The following TANC1 variants were observed in gnomAD, a reference collection of about 807,000 sequenced individuals.
The protein encoded by TANC1 is protein TANC1.
Under a neutral mutation model 149.7 loss-of-function variants are expected in TANC1, and 77 were observed. The observed-to-expected ratio is 0.51, with a 90% CI of 0.43 to 0.62. The LOEUF is 0.62. Ranked by LOEUF, TANC1 falls within the 20% of genes least tolerant of loss-of-function variation. The pLI is 0.00. For synonymous variants in TANC1, 854 were observed against 925.0 expected, an observed-to-expected ratio of 0.92 and a Z score of 1.39; for missense variants, 1,985 against 2,321.8, an observed-to-expected ratio of 0.85 and a Z score of 2.98.
intron 4 of TANC1, among the ~76,000 whole-genome samples, chr2:159,126,494 C>T (rs2049468967): frequency 6.6e-6 from 1 of 152,188 alleles, no homozygotes; most frequent in Admixed American, 6.5e-5. Flanking sequence ...GAAAATGTTC[C>T]AACAGCTGTA....
In TANC1 at chr2:159,170,570, G is replaced by A. The variant is rs2055099258; in HGVS notation, c.1116G>A (p.Leu372=). 1 of 1,613,944 alleles carries A rather than the reference G, an allele frequency of 6.2e-7. No homozygotes were observed. The highest frequency in any genetic ancestry group is 1.1e-5 in the South Asian group (1 of 91,070). ...CACAAGACATTTTGTTGAAACCCTT[G>A]TTGTTTGAAGTACCAAGCATAACAA... ...YKPQDILLKP[L]LFEVPSITTD... is the part of the protein sequence containing the mutation. Residue 372 remains leucine, a synonymous_variant, in exon 10 of 27, where the codon TTG becomes TTA. Transcript: ENST00000263635.
At chr2:159,136,321 TCC>T in intron 5 of TANC1, 23 bp downstream of exon 5, 1 of 1,326,762 alleles carries the variant, frequency 7.5e-7, no homozygotes, top group South Asian at 1.2e-5. Context: ...GTGATTTCCT[TCC>T]CCCTCTACCA....
chr2:159,085,650 G>A (rs898594253), intron 3 of TANC1, among the ~76,000 whole-genome samples: 8 of 152,196 alleles, frequency 5.3e-5, no homozygotes, highest in African/African-American at 1.7e-4. Flanking sequence ...AGAAAGCCAA[G>A]GGGAGCAGGC....
intron 4 of TANC1, among the ~76,000 whole-genome samples, chr2:159,116,395 A>T (rs1427340946): frequency 6.6e-6 from 1 of 151,842 alleles, no homozygotes; most frequent in Non-Finnish European, 1.5e-5. Flanking sequence ...CCACTGTATT[A>T]CAGCCTGGGT....
At chr2:159,131,833 A>T (rs2050141678) in intron 4 of TANC1, among the ~76,000 whole-genome samples, 1 of 152,234 alleles carries the variant, frequency 6.6e-6, no homozygotes, top group Non-Finnish European at 1.5e-5. Context: ...TGTTTGTGAA[A>T]AGCAATTTAA....
At chr2:159,123,758 A>G (rs2049098298) in intron 4 of TANC1, among the ~76,000 whole-genome samples, 1 of 152,236 alleles carries the variant, frequency 6.6e-6, no homozygotes, top group African/African-American at 2.4e-5. Flanking sequence ...TCTGTGCTAA[A>G]CACTGTAAAG....
intron 4 of TANC1, among the ~76,000 whole-genome samples, chr2:159,130,392 G>A (rs376054155): frequency 1.3e-5 from 2 of 152,186 alleles, no homozygotes; most frequent in African/African-American, 4.8e-5. Context: ...AAGGTGCTGG[G>A]CAGTAGTTTT....
chr2:159,112,826 C>T (rs2047883915), intron 4 of TANC1, among the ~76,000 whole-genome samples: 1 of 152,102 alleles, frequency 6.6e-6, no homozygotes, highest in African/African-American at 2.4e-5. Context: ...AGCTATCCCC[C>T]AGCCTTGGCC....
intron 4 of TANC1, among the ~76,000 whole-genome samples, chr2:159,135,862 T>G (rs1483483325): frequency 6.6e-6 from 1 of 152,244 alleles, no homozygotes; most frequent in Non-Finnish European, 1.5e-5. Flanking sequence ...ATCACCCACT[T>G]GACCAGTGAA....
chr2:158,984,183 C>A (rs973405389), intron 1 of TANC1, among the ~76,000 whole-genome samples: 27 of 152,218 alleles, frequency 1.8e-4, no homozygotes, highest in African/African-American at 6.5e-4. Flanking sequence ...TTTGTTTAAT[C>A]TCTTCCTTTC....
intron 14 of TANC1, among the ~76,000 whole-genome samples, chr2:159,182,065 C>T (rs141841118): frequency 1.2e-4 from 18 of 151,982 alleles, no homozygotes; most frequent in Middle Eastern, 3.4e-3. Context: ...AAAAATTAGC[C>T]GGGTGTGGTG....
intron 4 of TANC1, among the ~76,000 whole-genome samples, chr2:159,106,824 A>G (rs770789085): frequency 1.3e-5 from 2 of 152,180 alleles, no homozygotes. Context: ...ATCCTTGCCA[A>G]TGCTTGTATT....
At chr2:159,150,146 A>C (rs1242598153) in intron 6 of TANC1, 2 of 426,108 alleles carry the variant, frequency 4.7e-6, no homozygotes, top group African/African-American at 4.1e-5. Flanking sequence ...AAAGGAGGGG[A>C]ACCGAACAAA....
intron 2 of TANC1, among the ~76,000 whole-genome samples, chr2:159,016,778 GTT>G: frequency 6.6e-6 from 1 of 152,098 alleles, no homozygotes; most frequent in East Asian, 1.9e-4. Flanking sequence ...GTTTCACTGT[GTT>G]AGCCAGGATG....
intron 11 of TANC1, among the ~76,000 whole-genome samples, chr2:159,173,085 G>A (rs1376061564): frequency 6.6e-6 from 1 of 152,124 alleles, no homozygotes; most frequent in Non-Finnish European, 1.5e-5. Context: ...TCATGAGTGG[G>A]TGATTTGAGA....
chr2:158,972,749 A>C (rs2033084374), intron 1 of TANC1, among the ~76,000 whole-genome samples: 1 of 152,150 alleles, frequency 6.6e-6, no homozygotes, highest in African/African-American at 2.4e-5. Context: ...GCTGGGAAGG[A>C]GGTGTAGTAT....
chr2:158,998,493 C>T (rs995834795), intron 1 of TANC1, among the ~76,000 whole-genome samples: 8 of 152,300 alleles, frequency 5.3e-5, no homozygotes, highest in Middle Eastern at 3.4e-3. Flanking sequence ...TGTGCAGCAC[C>T]TACCAGCCAC....
At chr2:159,174,881 T>C in intron 11 of TANC1, 72 bp from the exon 12 acceptor site, 1 of 1,174,860 alleles carries the variant, frequency 8.5e-7, no homozygotes, top group Non-Finnish European at 1.3e-6. Flanking sequence ...CAGAGTTGTG[T>C]TCCTGTTTGA....
rs1000080209 is a variant in TANC1 at position 159,028,928 on chromosome 2, A to ATT, written c.-16+27745_-16+27746dup. The stretch of plus-strand genomic sequence containing the variant: ...GCTGCTATACACAGCTAATTTGTAG[A>ATT]TTTTTTTATAGAGATGAGGATCTTG... On this transcript the variant is annotated intron_variant, in intron 2 of 26. Coordinates refer to ENST00000263635, the MANE Select transcript of TANC1 (RefSeq NM_033394.3). Among the ~76,000 whole-genome samples, 2 of 152,132 alleles carry ATT rather than the reference A, an allele frequency of 1.3e-5. 1 individual carries two copies. Among genetic ancestry groups the ATT allele is most frequent in the East Asian group, 3.9e-4 (2 of 5,174 alleles).
Sources: allele counts gnomAD v4.1 joint callset (sites outside exome capture counted in the v4.1 genomes callset), GRCh38; gene constraint gnomAD v4.1.1; transcripts MANE v1.5; gene names NCBI Gene and HGNC (gene_info 2026-07-23, HGNC 2026-07-21).